Variants in UNC5D observed in about 807,000 individuals in gnomAD.
UNC5D encodes the protein unc-5 netrin receptor D.
UNC5D carries 39 observed loss-of-function variants against 105.4 expected under a neutral mutation model. The observed-to-expected ratio is 0.37, with a 90% CI of 0.29 to 0.48. The LOEUF (loss-of-function observed/expected upper bound fraction) is 0.48. UNC5D is among the 20% of genes least tolerant of loss of function. UNC5D has a pLI of 0.98. For missense variants in UNC5D, 991 were observed against 1,202.4 expected (o/e 0.82, Z 2.60); for synonymous variants, 452 against 450.4 (o/e 1.00, Z -0.04).
At chr8:35,592,107 A>G (rs1034746924) in intron 3 of UNC5D, among the ~76,000 whole-genome samples, 1 of 152,164 alleles carries the variant, frequency 6.6e-6, no homozygotes, top group Non-Finnish European at 1.5e-5. Context: ...AGTTTTCTGC[A>G]ATATTCAATA....
chr8:35,423,620 G>A (rs1049968193), intron 1 of UNC5D, among the ~76,000 whole-genome samples: 4 of 152,158 alleles, frequency 2.6e-5, no homozygotes, highest in African/African-American at 9.7e-5. Flanking sequence ...GTTTTGGCAA[G>A]TACTGCTTGA....
intron 4 of UNC5D, among the ~76,000 whole-genome samples, chr8:35,638,544 T>TA (rs972402964): frequency 3.9e-5 from 6 of 152,104 alleles, no homozygotes; most frequent in Admixed American, 3.3e-4. Flanking sequence ...CCTGTAATCC[T>TA]AGTGCCTTAG....
intron 1 of UNC5D, among the ~76,000 whole-genome samples, chr8:35,518,456 A>T (rs1422295919): frequency 6.6e-6 from 1 of 152,022 alleles, no homozygotes; most frequent in East Asian, 1.9e-4. Flanking sequence ...ACATTTTTTT[A>T]TGCAACATAA....
chr8:35,272,747 G>C (rs1379626752), intron 1 of UNC5D, among the ~76,000 whole-genome samples: 1 of 152,128 alleles, frequency 6.6e-6, no homozygotes, highest in East Asian at 1.9e-4. Flanking sequence ...ACATAAGATT[G>C]CAGTTTTCCT....
intron 1 of UNC5D, chr8:35,525,265 C>T: frequency 6.2e-7 from 1 of 1,612,136 alleles, no homozygotes; most frequent in South Asian, 1.1e-5. Context: ...AAATGTTTTT[C>T]AACTATTTTG....
At chr8:35,342,310 T>C (rs1585627677) in intron 1 of UNC5D, among the ~76,000 whole-genome samples, 1 of 152,242 alleles carries the variant, frequency 6.6e-6, no homozygotes, top group East Asian at 1.9e-4. Flanking sequence ...TTCCTATTCG[T>C]CATATGGGAT....
chr8:35,753,043 T>C (rs1198624388), intron 13 of UNC5D, among the ~76,000 whole-genome samples: 1 of 152,228 alleles, frequency 6.6e-6, no homozygotes. Context: ...GAGCTTGTTC[T>C]CAGTGACTTT....
At chr8:35,409,231 T>A (rs1805000614) in intron 1 of UNC5D, among the ~76,000 whole-genome samples, 1 of 152,094 alleles carries the variant, frequency 6.6e-6, no homozygotes, top group South Asian at 2.1e-4. Flanking sequence ...TCTGTGGACA[T>A]ACGTCTTCAT....
chr8:35,704,413 A>AG (rs1466791998), intron 7 of UNC5D, among the ~76,000 whole-genome samples: 1 of 151,786 alleles, frequency 6.6e-6, no homozygotes, highest in Non-Finnish European at 1.5e-5. Context: ...CTGCGTGGGA[A>AG]GGGTGATGGT....
intron 1 of UNC5D, among the ~76,000 whole-genome samples, chr8:35,530,173 G>A (rs1814236858): frequency 6.6e-6 from 1 of 151,954 alleles, no homozygotes; most frequent in Non-Finnish European, 1.5e-5. Flanking sequence ...TATGATATTG[G>A]CTGTGGGTTT....
At chr8:35,274,985 G>C (rs1439871820) in intron 1 of UNC5D, among the ~76,000 whole-genome samples, 1 of 151,890 alleles carries the variant, frequency 6.6e-6, no homozygotes, top group African/African-American at 2.4e-5. Context: ...CAGCTACTCA[G>C]GAGGCTGAGG....
At chr8:35,365,562 A>G (rs965429014) in intron 1 of UNC5D, among the ~76,000 whole-genome samples, 1 of 124,088 alleles carries the variant, frequency 8.1e-6, no homozygotes, top group African/African-American at 3.0e-5. Flanking sequence ...CTGGAGGATT[A>G]TCTTCTTAGG....
intron 1 of UNC5D, among the ~76,000 whole-genome samples, chr8:35,274,201 C>T (rs1305871990): frequency 6.6e-6 from 1 of 152,116 alleles, no homozygotes; most frequent in Non-Finnish European, 1.5e-5. Flanking sequence ...ATAAGTTCCT[C>T]CTACTATGGT....
Position 35,752,607 on chromosome 8 carries a change from C to T in UNC5D, c.2163+1798C>T, listed in dbSNP as rs546900642. Reference sequence around the variant, plus strand: ...AACTTCAGTGTAAGTAGTTAAACCTCCTCCCACCATTGTCATTTAATACTC... The same window carrying T: ...AACTTCAGTGTAAGTAGTTAAACCTTCTCCCACCATTGTCATTTAATACTC... On this transcript the variant is annotated intron_variant, in intron 13 of 16. Transcript: ENST00000404895. Among the ~76,000 whole-genome samples the T allele has an allele frequency of 2.6e-4, 40 of 152,240 alleles. No individual in the cohort carries two copies. In the South Asian group the frequency reaches 5.4e-3, roughly 21 times the overall value.
intron 1 of UNC5D, among the ~76,000 whole-genome samples, chr8:35,326,777 A>T (rs1369262084): frequency 2.6e-5 from 4 of 152,116 alleles, no homozygotes; most frequent in Non-Finnish European, 5.9e-5. Context: ...TGAAGGAAAA[A>T]AAAAAAGGCT....
intron 10 of UNC5D, among the ~76,000 whole-genome samples, chr8:35,729,498 T>A (rs1312389075): frequency 6.6e-6 from 1 of 152,214 alleles, no homozygotes; most frequent in Non-Finnish European, 1.5e-5. Flanking sequence ...ACAGACTGCA[T>A]GTCTCTGTCA....
rs28582943 is a variant in UNC5D, at chr8:35,324,916, G to A, written c.103+89029G>A. Among the ~76,000 whole-genome samples, 860 of 152,248 alleles carry A rather than the reference G, an allele frequency of 5.6e-3. 7 individuals carry two copies. The highest frequency in any genetic ancestry group is 0.018 in the African/African-American group (731 of 41,552). On this transcript the variant is annotated intron_variant, in intron 1 of 16. Coordinates refer to ENST00000404895, the MANE Select transcript of UNC5D (RefSeq NM_080872.4). ...TTCTGGCATTGACATGGAAAAAGGCGTGAGGAGAGACTGGCAACATTGGTG... is the reference window on the plus strand; with the variant it reads ...TTCTGGCATTGACATGGAAAAAGGCATGAGGAGAGACTGGCAACATTGGTG...
chr8:35,789,137 C>CCA (rs1491172701), intron 16 of UNC5D, among the ~76,000 whole-genome samples: 1 of 32,432 alleles, frequency 3.1e-5, no homozygotes, highest in East Asian at 1.5e-3. Context: ...GGAGAAAAGA[C>CCA]TATATATATA....
chr8:35,520,961 CTT>C (rs1813422211), intron 1 of UNC5D, among the ~76,000 whole-genome samples: 1 of 152,076 alleles, frequency 6.6e-6, no homozygotes. Context: ...ACAGCCTTCT[CTT>C]TTGTTTTGAA....
Sources: gnomAD v4.1 joint callset for allele counts (sites outside exome capture counted in the v4.1 genomes callset) on GRCh38, gnomAD v4.1.1 for gene constraint, MANE v1.5 for transcripts, NCBI Gene and HGNC (gene_info 2026-07-23, HGNC 2026-07-21) for gene names.